ZNF609: variants seen among roughly 807,000 people sequenced by gnomAD.
ZNF609 encodes zinc finger protein 609.
ZNF609 carries 11 observed loss-of-function variants against 109.5 expected under a neutral mutation model. That is an observed-to-expected ratio of 0.10 (90% CI 0.06 to 0.17). ZNF609 has a LOEUF of 0.17. Among genes scored for constraint, ZNF609 ranks in the 10% least tolerant of loss-of-function variants. ZNF609 has a pLI of 1.00. For missense variants in ZNF609, 1,559 were observed against 1,772.4 expected (o/e 0.88, Z 2.16); for synonymous variants, 646 against 662.0 (o/e 0.98, Z 0.37).
intron 2 of ZNF609, among the ~76,000 whole-genome samples, chr15:64,505,586 C>T (rs1484044074): frequency 6.6e-6 from 1 of 152,142 alleles, no homozygotes; most frequent in Non-Finnish European, 1.5e-5. Context: ...CCGTCTACAG[C>T]AGAGTTCCTA....
chr15:64,495,978 C>T (rs573294143), intron 1 of ZNF609, among the ~76,000 whole-genome samples: 2 of 152,056 alleles, frequency 1.3e-5, no homozygotes, highest in African/African-American at 2.4e-5. Flanking sequence ...GCCACCACAC[C>T]CAGCTAATTT....
intron 2 of ZNF609, among the ~76,000 whole-genome samples, chr15:64,537,984 T>C (rs1894183723): frequency 6.6e-6 from 1 of 151,792 alleles, no homozygotes. Flanking sequence ...CGCATGCCTG[T>C]AATCCCAGCT....
Position 64,500,340 on chromosome 15 carries a change from C to A in ZNF609, c.747+174C>A. The A allele has an allele frequency of 3.3e-6, 3 of 904,768 alleles. 1 individual carries two copies. The highest frequency in any genetic ancestry group is 2.8e-5 in the South Asian group (2 of 71,482). 56.0% of individuals were successfully genotyped at this position (904,768 alleles called of 1,614,324 possible). A position where few individuals can be genotyped will look rare whatever the true frequency, so the allele number is the denominator to read the frequency against. Reference sequence around the variant, plus strand: ...TGGTTTTCTTCCAAATTAGAGGATTCCCCTACAGACTCATTTACAGCAGGC... The same window carrying A: ...TGGTTTTCTTCCAAATTAGAGGATTACCCTACAGACTCATTTACAGCAGGC... On this transcript the variant is annotated intron_variant, in intron 2 of 9. Coordinates refer to ENST00000326648, the MANE Select transcript of ZNF609 (RefSeq NM_015042.2).
At chr15:64,578,312 A>G (rs962782971) in intron 2 of ZNF609, among the ~76,000 whole-genome samples, 3 of 151,988 alleles carry the variant, frequency 2.0e-5, no homozygotes, top group Admixed American at 2.0e-4. Context: ...TCTTGTCATT[A>G]GTCTATTTTA....
At chr15:64,621,384 C>G (rs1471662479) in intron 2 of ZNF609, among the ~76,000 whole-genome samples, 2 of 151,268 alleles carry the variant, frequency 1.3e-5, no homozygotes, top group Non-Finnish European at 2.9e-5. Flanking sequence ...GGATTTCACT[C>G]TGTCACCCAG....
At chr15:64,628,879 C>A (rs1419878591) in intron 3 of ZNF609, among the ~76,000 whole-genome samples, 2 of 152,128 alleles carry the variant, frequency 1.3e-5, no homozygotes, top group Non-Finnish European at 2.9e-5. Context: ...CCTGCCTCGG[C>A]CTTCCAAAGT....
In ZNF609 at chr15:64,468,263, C is replaced by A. The variant is rs561558359; in HGVS notation, c.-128+7425C>A. Among the ~76,000 whole-genome samples the A allele has an allele frequency of 2.7e-5, 4 of 147,322 alleles. No individual in the cohort carries two copies. In the Admixed American group the frequency reaches 2.8e-4, roughly 10 times the overall value. ...TTCCTCCTTTCCTTTCCTTTCCTTT[C>A]TTTTCTTTTCTTTTCCTTCCTTCCT... is the stretch of plus-strand genomic sequence containing the variant. On this transcript the variant is annotated intron_variant, in intron 1 of 9. Coordinates refer to ENST00000326648, the MANE Select transcript of ZNF609 (RefSeq NM_015042.2).
At chr15:64,518,880 A>C (rs567932959) in intron 2 of ZNF609, among the ~76,000 whole-genome samples, 3 of 151,964 alleles carry the variant, frequency 2.0e-5, no homozygotes, top group Non-Finnish European at 4.4e-5. Flanking sequence ...AGGGAATGAT[A>C]ATGAGTTTAA....
chr15:64,652,540 C>G (rs1476024301), intron 3 of ZNF609, among the ~76,000 whole-genome samples: 1 of 151,930 alleles, frequency 6.6e-6, no homozygotes, highest in Non-Finnish European at 1.5e-5. Context: ...GCACGTACCA[C>G]CACACGTGAC....
At chr15:64,661,644 T>C (rs1896578138) in intron 3 of ZNF609, among the ~76,000 whole-genome samples, 1 of 152,186 alleles carries the variant, frequency 6.6e-6, no homozygotes, top group African/African-American at 2.4e-5. Flanking sequence ...CCCTTTCTCT[T>C]TTGTTGTCTC....
chr15:64,638,314 A>G (rs1727884506), intron 3 of ZNF609, among the ~76,000 whole-genome samples: 2 of 151,192 alleles, frequency 1.3e-5, no homozygotes, highest in South Asian at 4.2e-4. Context: ...AGCTTTGTAA[A>G]TCTTGTTATC....
intron 2 of ZNF609, among the ~76,000 whole-genome samples, chr15:64,583,850 G>A (rs1050893007): frequency 6.6e-5 from 10 of 152,134 alleles, no homozygotes; most frequent in Non-Finnish European, 1.3e-4. Context: ...TCTTTTCAGA[G>A]TACCTGATGC....
chr15:64,576,773 A>C (rs1894959423), intron 2 of ZNF609, among the ~76,000 whole-genome samples: 1 of 145,898 alleles, frequency 6.9e-6, no homozygotes, highest in Non-Finnish European at 1.5e-5. Context: ...CAGTGAGCTG[A>C]GATCATGCTA....
chr15:64,681,369 C>G lies in ZNF609; in HGVS notation c.4223C>G (p.Pro1408Arg). 1 of 1,614,012 alleles carries G rather than the reference C, an allele frequency of 6.2e-7. No homozygotes were observed. Among genetic ancestry groups the G allele is most frequent in the Non-Finnish European group, 8.5e-7 (1 of 1,179,904 alleles). Residue 1408 changes from proline (P) to arginine (R), a missense_variant, in exon 9 of 10, where the codon CCC becomes CGC. Physicochemically the swap from Pro to Arg is moderately radical, Grantham distance 103 (BLOSUM62 -2). Coordinates refer to ENST00000326648, the MANE Select transcript of ZNF609 (RefSeq NM_015042.2). ...QQGSTPSLYP[P>R]PRR is the part of the protein sequence containing the mutation. ...GGCTCAACTCCCTCACTCTACCCAC[C>G]CCCCAGGAGGTGAGAATGGTAAGTC...
At chr15:64,552,584 C>T (rs959963994) in intron 2 of ZNF609, among the ~76,000 whole-genome samples, 4 of 152,072 alleles carry the variant, frequency 2.6e-5, no homozygotes, top group Non-Finnish European at 5.9e-5. Context: ...GAACTCCTGA[C>T]CTCAAGCAAT....
intron 2 of ZNF609, among the ~76,000 whole-genome samples, chr15:64,600,296 A>G (rs976733739): frequency 2.0e-5 from 3 of 151,776 alleles, no homozygotes; most frequent in African/African-American, 7.3e-5. Context: ...TAAAAATACA[A>G]AAAATTAGCT....
At chr15:64,626,657 T>C (rs1431251942) in intron 3 of ZNF609, among the ~76,000 whole-genome samples, 1 of 152,178 alleles carries the variant, frequency 6.6e-6, no homozygotes, top group Non-Finnish European at 1.5e-5. Flanking sequence ...GCCTCAATTA[T>C]TCCTAGTTTC....
chr15:64,673,533 C>T (rs1330343332), intron 4 of ZNF609, among the ~76,000 whole-genome samples: 1 of 152,188 alleles, frequency 6.6e-6, no homozygotes, highest in East Asian at 1.9e-4. Flanking sequence ...AAAAGTAGAG[C>T]TAGAGTCTTG....
At chr15:64,472,297 C>G (rs550244162) in intron 1 of ZNF609, among the ~76,000 whole-genome samples, 1 of 152,198 alleles carries the variant, frequency 6.6e-6, no homozygotes, top group East Asian at 1.9e-4. Flanking sequence ...GTGGGTACCA[C>G]GAAACCTTTG....
Sources: gnomAD v4.1 joint callset for allele counts (sites outside exome capture counted in the v4.1 genomes callset) on GRCh38, gnomAD v4.1.1 for gene constraint, MANE v1.5 for transcripts, NCBI Gene and HGNC (gene_info 2026-07-23, HGNC 2026-07-21) for gene names.